The following RMDN1 variants were observed in gnomAD, a reference collection of about 807,000 sequenced individuals.
RMDN1 encodes the protein regulator of microtubule dynamics 1.
In RMDN1, 48 loss-of-function variants were observed where a neutral mutation model predicts 48.9. The observed-to-expected ratio is 0.98, with a 90% CI of 0.78 to 1.25. The LOEUF is 1.25. Ranked by LOEUF, RMDN1 falls within the 50% of genes most tolerant of loss-of-function variation. RMDN1 has a pLI of 0.00. For missense variants in RMDN1, 418 were observed against 373.4 expected (o/e 1.12, Z -0.98); for synonymous variants, 148 against 132.6 (o/e 1.12, Z -0.80).
At chr8:86,469,191 C>T (rs1022804084), downstream of RMDN1, among the ~76,000 whole-genome samples, 1 of 151,444 alleles carries the variant, frequency 6.6e-6, no homozygotes, top group African/African-American at 2.4e-5. Context: ...TCCCGCCCCC[C>T]CCATGTACTT....
At chr8:86,495,823 T>G (rs892940598) in intron 2 of RMDN1, among the ~76,000 whole-genome samples, 3 of 152,000 alleles carry the variant, frequency 2.0e-5, no homozygotes, top group African/African-American at 7.3e-5. Context: ...AGATAGTATA[T>G]AAAACAACCA....
At chr8:86,469,977 A>G (rs1272169531), downstream of RMDN1, among the ~76,000 whole-genome samples, 3 of 152,168 alleles carry the variant, frequency 2.0e-5, no homozygotes, top group African/African-American at 7.2e-5. Context: ...GAGGAAAGTG[A>G]GTATGAGAGA....
chr8:86,481,560 CTTTTTTTTTTTT>C (rs71275857), intron 5 of RMDN1, among the ~76,000 whole-genome samples: 4 of 104,492 alleles, frequency 3.8e-5, no homozygotes, highest in East Asian at 2.7e-4. Flanking sequence ...ATTAATTTTC[CTTTTTTTTTTTT>C]TTTTTTTTTG....
chr8:86,473,128 A>G lies in RMDN1; in HGVS notation c.*1180T>C. ...ATCACTGAATCTAAGAGATGGGTAT[A>G]CAAAGATCACTACTTTCAGTTTTCC... On this transcript the variant is annotated 3_prime_UTR_variant, in exon 10 of 10. Transcript: ENST00000406452. 1.0e-6 allele frequency: 1 copy of G among 985,402 alleles called. No individual in the cohort carries two copies. Among genetic ancestry groups the G allele is most frequent in the South Asian group, 4.7e-5 (1 of 21,292 alleles). 61.0% of individuals were successfully genotyped at this position (985,402 alleles called of 1,614,324 possible).
chr8:86,471,792 C>T (rs1241067801), downstream of RMDN1, among the ~76,000 whole-genome samples: 1 of 152,182 alleles, frequency 6.6e-6, no homozygotes, highest in Non-Finnish European at 1.5e-5. Flanking sequence ...TAAGTTGGAA[C>T]AGCGGTTCTC....
At chr8:86,474,727 C>A in intron 9 of RMDN1, 93 bp downstream of exon 9, 1 of 1,106,692 alleles carries the variant, frequency 9.0e-7, no homozygotes, top group South Asian at 1.3e-5. Context: ...CAATATTATG[C>A]ATTTAGAAAA....
At chr8:86,487,693 C>A (rs1815714199) in intron 3 of RMDN1, among the ~76,000 whole-genome samples, 4 of 151,874 alleles carry the variant, frequency 2.6e-5, no homozygotes, top group Admixed American at 2.6e-4. Flanking sequence ...GAAGCTAAAG[C>A]TTCCTTTAAT....
At position 86,473,300 on chromosome 8, in the gene RMDN1, A is replaced by G. The variant is rs947325860; in HGVS notation, c.*1008T>C. 3 of 985,424 alleles carry G rather than the reference A, an allele frequency of 3.0e-6. No individual in the cohort carries two copies. The highest frequency in any genetic ancestry group is 1.1e-4 in the East Asian group (1 of 8,812). The allele number at this position is 985,424 out of a possible 1,614,324, so 61.0% of individuals were successfully genotyped here. On this transcript the variant is annotated 3_prime_UTR_variant, in exon 10 of 10. Transcript: ENST00000406452. ...AGATGCTCCTTTTTACAAAACTTAA[A>G]AAGATTTTGCAGTGGTGGCACTCCA...
intron 5 of RMDN1, among the ~76,000 whole-genome samples, chr8:86,483,256 G>GT (rs1481483437): frequency 6.6e-6 from 1 of 151,974 alleles, no homozygotes; most frequent in African/African-American, 2.4e-5. Flanking sequence ...ATAAAACATT[G>GT]TTTTTTATAA....
chr8:86,502,879 T>G (rs900747900), intron 2 of RMDN1, among the ~76,000 whole-genome samples: 6 of 152,098 alleles, frequency 3.9e-5, no homozygotes, highest in Admixed American at 3.3e-4. Context: ...CCTTTAAAAA[T>G]GTAAAAGAAT....
intron 5 of RMDN1, chr8:86,484,562 A>C (rs1815129971): frequency 5.6e-6 from 1 of 177,108 alleles, no homozygotes. Flanking sequence ...TACTAAAAAC[A>C]CAAAAATTAG....
In RMDN1 at chr8:86,500,029, A is replaced by G. The variant is rs375921946; in HGVS notation, c.247+6966T>C. Among the ~76,000 whole-genome samples, 8 of 152,304 alleles carry G rather than the reference A, an allele frequency of 5.3e-5. 1 individual carries two copies. Among genetic ancestry groups the G allele is most frequent in the East Asian group, 3.9e-4 (2 of 5,188 alleles). The stretch of plus-strand genomic sequence containing the variant: ...GACCCCTTTCACCATATACAAAATC[A>G]ACTCAAAATGGATTAAAGACTTAAA... On this transcript the variant is annotated intron_variant, in intron 2 of 9. Transcript: ENST00000406452.
upstream of RMDN1, among the ~76,000 whole-genome samples, chr8:86,511,832 AAAAG>A (rs1248046622): frequency 3.5e-5 from 5 of 144,884 alleles, no homozygotes; most frequent in Non-Finnish European, 7.4e-5. Flanking sequence ...AAAAAAAAGA[AAAAG>A]AAAAAAAAAA....
intron 5 of RMDN1, among the ~76,000 whole-genome samples, chr8:86,480,614 G>T (rs1430356935): frequency 2.0e-5 from 3 of 151,966 alleles, no homozygotes; most frequent in Non-Finnish European, 2.9e-5. Flanking sequence ...GATTAATTTT[G>T]CAAATTAATC....
At chr8:86,503,220 T>TA (rs1442817739) in intron 2 of RMDN1, among the ~76,000 whole-genome samples, 2 of 151,716 alleles carry the variant, frequency 1.3e-5, no homozygotes, top group Non-Finnish European at 2.9e-5. Context: ...GGTATGGTGA[T>TA]ACGTGCCTAT....
intron 5 of RMDN1, 92 bp downstream of exon 5, chr8:86,484,780 G>T: frequency 1.6e-6 from 1 of 637,870 alleles, no homozygotes; most frequent in South Asian, 2.1e-5. Flanking sequence ...TATCATAGGT[G>T]GTTTGATATA....
chr8:86,473,564 G>C lies in RMDN1; in HGVS notation c.*744C>G, dbSNP rs375646835. On this transcript the variant is annotated 3_prime_UTR_variant, in exon 10 of 10. Coordinates refer to ENST00000406452, the MANE Select transcript of RMDN1 (RefSeq NM_016033.3). ...GCAGATCACTTGAGGCCAGGAGTTT[G>C]AGACCAGCCTAGCCAACATGGCAAA... The C allele has an allele frequency of 3.3e-5, 20 of 607,206 alleles. 1 individual carries two copies. In the East Asian group the frequency reaches 8.5e-4, roughly 26 times the overall value. The allele number at this position is 607,206 out of a possible 1,614,324, so 37.6% of individuals were successfully genotyped here. A position where few individuals can be genotyped will look rare whatever the true frequency, so the allele number is the denominator to read the frequency against.
intron 3 of RMDN1, 38 bp from the exon 4 acceptor site, chr8:86,486,681 C>G (rs772876936): frequency 6.6e-7 from 1 of 1,522,866 alleles, no homozygotes; most frequent in Admixed American, 2.0e-5. Context: ...CATTTTAGCT[C>G]ACATTTAAAA....
chr8:86,489,313 T>G (rs569262468), intron 2 of RMDN1, among the ~76,000 whole-genome samples: 1 of 152,302 alleles, frequency 6.6e-6, no homozygotes, highest in South Asian at 2.1e-4. Context: ...CTAATTTATA[T>G]ATGACTACAA....
Sources: gnomAD v4.1 joint callset for allele counts (sites outside exome capture counted in the v4.1 genomes callset) on GRCh38, gnomAD v4.1.1 for gene constraint, MANE v1.5 for transcripts, NCBI Gene and HGNC (gene_info 2026-07-23, HGNC 2026-07-21) for gene names.